The following PTPRG variants were observed in gnomAD, a reference collection of about 807,000 sequenced individuals.
PTPRG encodes the protein protein tyrosine phosphatase receptor type G, also known as receptor-type tyrosine-protein phosphatase gamma.
In PTPRG, 102 loss-of-function variants were observed where a neutral mutation model predicts 165.3. That is an observed-to-expected ratio of 0.62 (90% CI 0.53 to 0.73). PTPRG has a LOEUF of 0.73. Among genes scored for constraint, PTPRG ranks in the 30% least tolerant of loss-of-function variants. The pLI, the probability that PTPRG is intolerant of heterozygous loss-of-function variation, is 0.00. For synonymous variants in PTPRG, 675 were observed against 669.5 expected (o/e 1.01, Z -0.13); for missense variants, 1,866 against 1,861.4 (o/e 1.00, Z -0.05).
chr3:61,830,569 T>TTTG (rs1241916404), intron 2 of PTPRG, among the ~76,000 whole-genome samples: 1 of 49,706 alleles, frequency 2.0e-5, no homozygotes, highest in Admixed American at 1.9e-4. Context: ...TGTTTTTGTT[T>TTTG]TTTTTTTTTT....
At chr3:62,209,761 G>A (rs929595078) in intron 12 of PTPRG, among the ~76,000 whole-genome samples, 4 of 152,148 alleles carry the variant, frequency 2.6e-5, no homozygotes, top group African/African-American at 9.7e-5. Flanking sequence ...AAGTATCTGG[G>A]TCCTTGGAGT....
chr3:61,899,243 G>C (rs1378681300), intron 2 of PTPRG, among the ~76,000 whole-genome samples: 2 of 152,146 alleles, frequency 1.3e-5, no homozygotes, highest in Non-Finnish European at 2.9e-5. Flanking sequence ...CTCCATAAAT[G>C]ATGGTTAGTT....
At chr3:61,904,024 T>C (rs1456792654) in intron 2 of PTPRG, among the ~76,000 whole-genome samples, 1 of 152,128 alleles carries the variant, frequency 6.6e-6, no homozygotes, top group African/African-American at 2.4e-5. Flanking sequence ...CTTCTGTAAA[T>C]AGTCTCTTTC....
At chr3:61,965,154 G>T (rs914269487) in intron 2 of PTPRG, among the ~76,000 whole-genome samples, 2 of 151,226 alleles carry the variant, frequency 1.3e-5, no homozygotes, top group African/African-American at 4.9e-5. Flanking sequence ...TGAGGCAGGA[G>T]AATTGCTTGA....
intron 1 of PTPRG, among the ~76,000 whole-genome samples, chr3:61,605,547 C>T (rs1700978947): frequency 6.7e-6 from 1 of 149,196 alleles, no homozygotes; most frequent in Non-Finnish European, 1.5e-5. Flanking sequence ...TGAGCCACCA[C>T]ACCAAGCCAA....
intron 2 of PTPRG, among the ~76,000 whole-genome samples, chr3:61,891,242 A>C (rs2038206162): frequency 6.6e-6 from 1 of 152,080 alleles, no homozygotes. Context: ...CACTTGAATC[A>C]GGGAGGCGTA....
intron 28 of PTPRG, among the ~76,000 whole-genome samples, chr3:62,288,647 T>G (rs1325566785): frequency 2.0e-5 from 3 of 147,532 alleles, no homozygotes; most frequent in African/African-American, 7.5e-5. Flanking sequence ...CACTCCAGCC[T>G]GGGCGACAGG....
rs115811120 is a variant in PTPRG, at chr3:61,581,089, C to T, written c.85+18717C>T. Among the ~76,000 whole-genome samples the T allele has an allele frequency of 7.7e-3, 1,180 of 152,308 alleles. 17 individuals are homozygous for T. The highest frequency in any genetic ancestry group is 0.026 in the African/African-American group (1,095 of 41,554). ...CTCAATGGTATTTTTTTGTACCCAT[C>T]TATAGCCAAGGAAGCAGCCATGTAG... is the stretch of plus-strand genomic sequence containing the variant. On this transcript the variant is annotated intron_variant, in intron 1 of 29. Coordinates refer to ENST00000474889, the MANE Select transcript of PTPRG (RefSeq NM_002841.4).
chr3:61,616,069 G>C (rs887630787), intron 1 of PTPRG, among the ~76,000 whole-genome samples: 5 of 152,190 alleles, frequency 3.3e-5, no homozygotes, highest in African/African-American at 1.2e-4. Context: ...TCCCGCCTCA[G>C]CCTCCCAAGT....
At chr3:61,798,638 T>G (rs939706566) in intron 2 of PTPRG, among the ~76,000 whole-genome samples, 1 of 151,264 alleles carries the variant, frequency 6.6e-6, no homozygotes, top group East Asian at 1.9e-4. Context: ...TTTTTTTTTT[T>G]AAACCCTTTG....
intron 14 of PTPRG, among the ~76,000 whole-genome samples, chr3:62,241,029 G>A (rs1348194812): frequency 2.6e-5 from 4 of 152,104 alleles, no homozygotes; most frequent in African/African-American, 9.7e-5. Flanking sequence ...AATAAATGAG[G>A]AAAAGTATAC....
chr3:61,563,139 GGGGGCGGTTTCGGCGGCC>G (rs145650020), intron 1 of PTPRG, among the ~76,000 whole-genome samples: 103,851 of 150,788 alleles, frequency 0.69, 36,393 homozygotes, highest in East Asian at 0.87. Context: ...GGGAGGGGGC[GGGGGCGGTTTCGGCGGCC>G]GGGGCGGTTT....
intron 19 of PTPRG, among the ~76,000 whole-genome samples, chr3:62,268,065 T>C (rs1701941895): frequency 6.6e-6 from 1 of 152,072 alleles, no homozygotes; most frequent in Admixed American, 6.6e-5. Flanking sequence ...GTATCCTCTG[T>C]ACATTCCTCT....
rs552214505 is a variant in PTPRG at position 61,898,758 on chromosome 3, TAAA to T, written c.191-90866_191-90864del. Reference sequence around the variant, plus strand: ...TCTACTTGCTGTTGAAGTGAATAAATAAAGAAGAATGAAGAGCCAAAAGAGGAA... The same window carrying T: ...TCTACTTGCTGTTGAAGTGAATAAATGAAGAATGAAGAGCCAAAAGAGGAA... On this transcript the variant is annotated intron_variant, in intron 2 of 29. Transcript: ENST00000474889. Among the ~76,000 whole-genome samples, 75 of 152,196 alleles carry T rather than the reference TAAA, an allele frequency of 4.9e-4. 1 individual carries two copies. The East Asian group carries it at 7.0e-3, about 14-fold the overall frequency.
At chr3:61,873,989 CA>C (rs2037655990) in intron 2 of PTPRG, among the ~76,000 whole-genome samples, 2 of 152,106 alleles carry the variant, frequency 1.3e-5, no homozygotes, top group South Asian at 4.1e-4. Flanking sequence ...GTGTTTGACA[CA>C]GAATAAATGT....
At chr3:61,937,205 T>C (rs946374225) in intron 2 of PTPRG, among the ~76,000 whole-genome samples, 2 of 152,178 alleles carry the variant, frequency 1.3e-5, no homozygotes, top group East Asian at 3.9e-4. Flanking sequence ...GTGTGAGAGA[T>C]TGCTTTCTGG....
chr3:61,877,516 A>C (rs144295933), intron 2 of PTPRG, among the ~76,000 whole-genome samples: 2 of 152,188 alleles, frequency 1.3e-5, no homozygotes, highest in African/African-American at 2.4e-5. Flanking sequence ...CAGCTGACCA[A>C]CCAATTCACA....
At chr3:62,142,530 T>C (rs1427662051) in intron 6 of PTPRG, among the ~76,000 whole-genome samples, 1 of 152,170 alleles carries the variant, frequency 6.6e-6, no homozygotes, top group Admixed American at 6.5e-5. Flanking sequence ...TGATTAACAT[T>C]AGAAAGGAAG....
chr3:61,932,080 G>A (rs2039375450), intron 2 of PTPRG, among the ~76,000 whole-genome samples: 1 of 152,056 alleles, frequency 6.6e-6, no homozygotes, highest in African/African-American at 2.4e-5. Context: ...GCCAAAATCT[G>A]TTTGCTTTTA....
Sources: gnomAD v4.1 joint callset for allele counts (sites outside exome capture counted in the v4.1 genomes callset) on GRCh38, gnomAD v4.1.1 for gene constraint, MANE v1.5 for transcripts, NCBI Gene and HGNC (gene_info 2026-07-23, HGNC 2026-07-21) for gene names.